SPATA12: variants seen among roughly 807,000 people sequenced by gnomAD.
SPATA12 encodes the protein spermatogenesis associated 12, also known as spermatogenesis-associated protein 12.
For missense variants in SPATA12, 219 were observed against 226.4 expected (o/e 0.97, Z 0.21); for synonymous variants, 85 against 89.2 (o/e 0.95, Z 0.26).
Position 57,073,659 on chromosome 3 carries a change from C to A in SPATA12, c.-36C>A. 6.3e-7 allele frequency: 1 copy of A among 1,584,612 alleles called. No individual in the cohort carries two copies. Among genetic ancestry groups the A allele is most frequent in the Non-Finnish European group, 8.6e-7 (1 of 1,165,956 alleles). ...TGGCTCCGGCCAAGTGCCCCAGCCT[C>A]CTTTTCTGGAGAATTCTGTTTTTGA... is the stretch of plus-strand genomic sequence containing the variant. On this transcript the variant is annotated 5_prime_UTR_variant, in exon 2 of 2. Coordinates refer to ENST00000334325, the MANE Select transcript of SPATA12 (RefSeq NM_181727.2).
At chr3:57,061,319 A>G (rs899824693) in intron 1 of SPATA12, among the ~76,000 whole-genome samples, 3 of 151,770 alleles carry the variant, frequency 2.0e-5, no homozygotes, top group East Asian at 1.9e-4. Flanking sequence ...TTTTTTTGCA[A>G]TGGGGTCTGG....
In SPATA12 at chr3:57,073,563, T is replaced by G. The variant is rs1335429449; in HGVS notation, c.-132T>G. On this transcript the variant is annotated 5_prime_UTR_variant, in exon 2 of 2. Transcript: ENST00000334325. ...CACCCCGGGATGATTGGTGGTGGGG[T>G]GTGGCTGAAGGTGAATTGGAACAGT... 5.0e-6 allele frequency: 7 copies of G among 1,405,330 alleles called. No individual in the cohort carries two copies. The highest frequency in any genetic ancestry group is 5.6e-6 in the Non-Finnish European group (6 of 1,069,320). The allele number at this position is 1,405,330 out of a possible 1,614,324, so 87.1% of individuals were successfully genotyped here. A position where few individuals can be genotyped will look rare whatever the true frequency, so the allele number is the denominator to read the frequency against.
intron 1 of SPATA12, among the ~76,000 whole-genome samples, chr3:57,072,795 C>T (rs1705992735): frequency 6.6e-6 from 1 of 151,750 alleles, no homozygotes; most frequent in Non-Finnish European, 1.5e-5. Context: ...TCCTGTAATC[C>T]CAGCACTTTG....
chr3:57,074,538 A>C lies in SPATA12; in HGVS notation c.*271A>C. 1 of 462,532 alleles carries C rather than the reference A, an allele frequency of 2.2e-6. No homozygotes were observed. The highest frequency in any genetic ancestry group is 4.0e-6 in the Non-Finnish European group (1 of 249,846). 28.7% of individuals were successfully genotyped at this position (462,532 alleles called of 1,614,324 possible). A position where few individuals can be genotyped will look rare whatever the true frequency, so the allele number is the denominator to read the frequency against. On this transcript the variant is annotated 3_prime_UTR_variant, in exon 2 of 2. Transcript: ENST00000334325. ...TACTCTTAGCCCCCGGGGAACCTTC[A>C]CTGTATTAAATGACATCAATTGATC...
At chr3:57,064,143 C>T (rs1200477786) in intron 1 of SPATA12, among the ~76,000 whole-genome samples, 1 of 152,030 alleles carries the variant, frequency 6.6e-6, no homozygotes, top group East Asian at 1.9e-4. Flanking sequence ...GTGGTGCATG[C>T]CTGTAGTCCC....
chr3:57,067,490 T>TA (rs1019937513), intron 1 of SPATA12, among the ~76,000 whole-genome samples: 8 of 147,958 alleles, frequency 5.4e-5, no homozygotes, highest in East Asian at 2.0e-4. Context: ...ATAATAATAA[T>TA]ATTTGTCTAT....
At chr3:57,066,890 T>C (rs1248754467) in intron 1 of SPATA12, among the ~76,000 whole-genome samples, 1 of 152,118 alleles carries the variant, frequency 6.6e-6, no homozygotes, top group Non-Finnish European at 1.5e-5. Flanking sequence ...GGCCTGCCAG[T>C]CTACCTTGCT....
rs144634281 is a variant in SPATA12 at position 57,065,653 on chromosome 3, G to A, written c.-330+4867G>A. ...ATAAAAGCTATAATAAATGTTTAAT[G>A]TCTTCCAAATACCATGTTCTCATAC... On this transcript the variant is annotated intron_variant, in intron 1 of 1. Coordinates refer to ENST00000334325, the MANE Select transcript of SPATA12 (RefSeq NM_181727.2). 5.2e-3 allele frequency among the ~76,000 whole-genome samples: 799 copies of A among 152,226 alleles called. 26 individuals carry two copies. The highest frequency in any genetic ancestry group is 0.046 in the Admixed American group (706 of 15,278).
chr3:57,071,265 A>C (rs181043340), intron 1 of SPATA12, among the ~76,000 whole-genome samples: 140 of 152,318 alleles, frequency 9.2e-4, no homozygotes, highest in Admixed American at 7.8e-3. Context: ...CCATATGCAA[A>C]AAATGAAGCT....
chr3:57,069,713 C>T (rs1189438265), intron 1 of SPATA12, among the ~76,000 whole-genome samples: 1 of 152,110 alleles, frequency 6.6e-6, no homozygotes, highest in Non-Finnish European at 1.5e-5. Flanking sequence ...AGTGTGAGCA[C>T]AGCTCATTGC....
At chr3:57,067,098 C>T (rs955866891) in intron 1 of SPATA12, among the ~76,000 whole-genome samples, 7 of 152,110 alleles carry the variant, frequency 4.6e-5, no homozygotes, top group African/African-American at 1.7e-4. Flanking sequence ...TTTCAAGTCA[C>T]CAGATAAATG....
At chr3:57,066,003 G>A (rs982456672) in intron 1 of SPATA12, among the ~76,000 whole-genome samples, 1 of 151,534 alleles carries the variant, frequency 6.6e-6, no homozygotes, top group Non-Finnish European at 1.5e-5. Flanking sequence ...ATCACTTGAG[G>A]CCAGGAGGGC....
At chr3:57,072,099 T>C (rs998136214) in intron 1 of SPATA12, among the ~76,000 whole-genome samples, 10 of 151,338 alleles carry the variant, frequency 6.6e-5, no homozygotes, top group African/African-American at 2.4e-4. Context: ...AGGATGGCAA[T>C]AATCACAAGA....
intron 1 of SPATA12, among the ~76,000 whole-genome samples, chr3:57,065,547 T>C (rs1705481240): frequency 6.6e-6 from 1 of 152,232 alleles, no homozygotes; most frequent in South Asian, 2.1e-4. Flanking sequence ...ATATCTGCAC[T>C]ACCGTATGCA....
At position 57,063,459 on chromosome 3, in the gene SPATA12, G is replaced by A. The variant is rs569189435; in HGVS notation, c.-330+2673G>A. 4.6e-5 allele frequency among the ~76,000 whole-genome samples: 7 copies of A among 152,306 alleles called. No individual in the cohort carries two copies. The East Asian group carries it at 1.4e-3, about 29-fold the overall frequency. Reference sequence around the variant, plus strand: ...GGCCGCAGTCATTCAGGTGAGAGGGGAGAATGACCTGGAGGGTGGTAGGAG... The same window carrying A: ...GGCCGCAGTCATTCAGGTGAGAGGGAAGAATGACCTGGAGGGTGGTAGGAG... On this transcript the variant is annotated intron_variant, in intron 1 of 1. Transcript: ENST00000334325.
Position 57,074,317 on chromosome 3 carries a change from C to A in SPATA12, c.*50C>A. 1 of 1,528,148 alleles carries A rather than the reference C, an allele frequency of 6.5e-7. No homozygotes were observed. The highest frequency in any genetic ancestry group is 1.2e-5 in the South Asian group (1 of 83,294). The allele number at this position is 1,528,148 out of a possible 1,614,324, so 94.7% of individuals were successfully genotyped here. A position where few individuals can be genotyped will look rare whatever the true frequency, so the allele number is the denominator to read the frequency against. On this transcript the variant is annotated 3_prime_UTR_variant, in exon 2 of 2. Transcript: ENST00000334325. ...AGAGTCTGGCAGCTGTTTGTCTGGG[C>A]CTTTGCACATGCTATGCCCTCCCTT...
At chr3:57,068,639 C>G (rs1470722002) in intron 1 of SPATA12, among the ~76,000 whole-genome samples, 1 of 152,208 alleles carries the variant, frequency 6.6e-6, no homozygotes, top group African/African-American at 2.4e-5. Flanking sequence ...TGGAGAGAAA[C>G]AGTCCTCCCC....
intron 1 of SPATA12, among the ~76,000 whole-genome samples, chr3:57,069,926 T>C (rs1705791365): frequency 6.6e-6 from 1 of 152,260 alleles, no homozygotes; most frequent in Non-Finnish European, 1.5e-5. Flanking sequence ...ATTACAGGCA[T>C]GAGCCACTGC....
intron 1 of SPATA12, among the ~76,000 whole-genome samples, chr3:57,073,061 A>C (rs1267292698): frequency 6.6e-6 from 1 of 152,120 alleles, no homozygotes; most frequent in African/African-American, 2.4e-5. Context: ...AAATAAATAA[A>C]AGAAAAAACA....
Sources: allele counts gnomAD v4.1 joint callset (sites outside exome capture counted in the v4.1 genomes callset), GRCh38; gene constraint gnomAD v4.1.1; transcripts MANE v1.5; gene names NCBI Gene and HGNC (gene_info 2026-07-23, HGNC 2026-07-21).